Variants in TSPAN32 observed in about 807,000 individuals in gnomAD.
TSPAN32 encodes the protein tetraspanin 32, also known as tetraspanin-32.
In TSPAN32, 47 loss-of-function variants were observed where a neutral mutation model predicts 42.7. That is an observed-to-expected ratio of 1.10 (90% confidence interval 0.87 to 1.40). The LOEUF is 1.40. Among genes scored for constraint, TSPAN32 ranks in the 40% most tolerant of loss-of-function variants. TSPAN32 has a pLI of 0.00. For synonymous variants in TSPAN32, 175 were observed against 175.9 expected (o/e 0.99, Z 0.04); for missense variants, 469 against 424.1 (o/e 1.11, Z -0.93).
At chr11:2,306,101 CT>C (rs887093966) in intron 3 of TSPAN32, among the ~76,000 whole-genome samples, 3 of 147,230 alleles carry the variant, frequency 2.0e-5, no homozygotes, top group Non-Finnish European at 4.5e-5. Flanking sequence ...TCACCTGCCC[CT>C]GTTGCCATAC....
At chr11:2,315,590 C>T (rs1037903034) in intron 6 of TSPAN32, 24 of 1,178,992 alleles carry the variant, frequency 2.0e-5, no homozygotes, top group African/African-American at 1.9e-4. Context: ...CTGGCATGGG[C>T]GGGAGGGAGG....
At chr11:2,312,421 G>A (rs1848514885) in intron 4 of TSPAN32, among the ~76,000 whole-genome samples, 1 of 152,216 alleles carries the variant, frequency 6.6e-6, no homozygotes, top group Non-Finnish European at 1.5e-5. Context: ...GTGCCTGCCC[G>A]CCCCTGGGCA....
At chr11:2,316,698 T>C (rs774322854) in intron 8 of TSPAN32, 31 bp downstream of exon 8, 7 of 1,512,314 alleles carry the variant, frequency 4.6e-6, no homozygotes, top group Non-Finnish European at 5.3e-6. Context: ...CCACACCCTC[T>C]GGAAGGGTCC....
At position 2,304,214 on chromosome 11, in the gene TSPAN32, T is replaced by A; in HGVS notation, c.279+10T>A. 1 of 1,542,752 alleles carries A rather than the reference T, an allele frequency of 6.5e-7. No homozygotes were observed. On this transcript the variant is annotated intron_variant, in intron 3 of 9. Transcript: ENST00000182290. This position sits in a 1 kb window ranked among gnomAD's most constrained non-coding sequence, Gnocchi z 4.8. ...GGGCCTCATGGCAGGGGTGAGTTCA[T>A]TGTGTTCCCAGATGCCCAGGCCCCC...
intron 3 of TSPAN32, among the ~76,000 whole-genome samples, chr11:2,305,598 C>G (rs1450995482): frequency 6.6e-6 from 1 of 152,192 alleles, no homozygotes; most frequent in Admixed American, 6.5e-5. Context: ...ACCAGCCTTT[C>G]CCACCCCACC....
Position 2,308,787 on chromosome 11 carries a change from TG to T in TSPAN32, c.333del (p.Trp111Ter). On this transcript the variant is annotated frameshift_variant, in exon 4 of 10. Coordinates refer to ENST00000182290, the MANE Select transcript of TSPAN32 (RefSeq NM_139022.3). LOFTEE classifies it high-confidence loss of function. ...AFCAQVQVVF[W>X]RLHSPTQVED... ...CTGCGCACAGGTGCAGGTGGTGTTC[TG>T]GAGACTCCACAGCCCCACCCAGGTG... The T allele has an allele frequency of 6.4e-7, 1 of 1,572,194 alleles. No homozygotes were observed. The highest frequency in any genetic ancestry group is 1.2e-5 in the South Asian group (1 of 85,422).
At chr11:2,309,304 C>T (rs1307696483) in intron 4 of TSPAN32, 5 of 463,046 alleles carry the variant, frequency 1.1e-5, no homozygotes, top group South Asian at 3.1e-5. Flanking sequence ...GCAGCCTCCA[C>T]CCCCTCCACG....
At chr11:2,315,057 C>T (rs963731955) in intron 6 of TSPAN32, 2 of 122,366 alleles carry the variant, frequency 1.6e-5, no homozygotes, top group Non-Finnish European at 3.1e-5. Context: ...GTGGCCAGGG[C>T]TTCAGCAACA....
intron 6 of TSPAN32, chr11:2,315,804 C>A: frequency 7.6e-7 from 1 of 1,321,532 alleles, no homozygotes; most frequent in Non-Finnish European, 9.9e-7. Flanking sequence ...CGGGGACCCC[C>A]CTCACACCCC....
intron 6 of TSPAN32, chr11:2,315,088 A>G: frequency 2.6e-6 from 1 of 383,332 alleles, no homozygotes; most frequent in South Asian, 2.7e-5. Flanking sequence ...GCCCGAGGCC[A>G]GGAAGCCTTT....
chr11:2,315,835 C>G, intron 6 of TSPAN32: 1 of 1,358,738 alleles, frequency 7.4e-7, no homozygotes. Context: ...GGCTTCCTGC[C>G]CTCCCTGTTA....
intron 6 of TSPAN32, 124 bp from the exon 7 acceptor site, chr11:2,316,105 C>G: frequency 6.6e-7 from 1 of 1,525,712 alleles, no homozygotes; most frequent in South Asian, 1.2e-5. Context: ...TGTGCCGCAC[C>G]CGCCGCCCTG....
intron 3 of TSPAN32, among the ~76,000 whole-genome samples, chr11:2,305,365 A>G (rs1848012074): frequency 1.7e-5 from 2 of 121,178 alleles, no homozygotes; most frequent in African/African-American, 7.1e-5. Flanking sequence ...CAAGGCAGGT[A>G]GTCTGCCCCC....
At chr11:2,306,551 GAGAA>G (rs71464179) in intron 3 of TSPAN32, among the ~76,000 whole-genome samples, 46,927 of 142,162 alleles carry the variant, frequency 0.33, 7,554 homozygotes, top group Non-Finnish European at 0.36. Context: ...GGGGGAGAGA[GAGAA>G]AGAGAGAAAG....
At chr11:2,315,391 G>C in intron 6 of TSPAN32, 1 of 1,137,160 alleles carries the variant, frequency 8.8e-7, no homozygotes, top group Non-Finnish European at 1.1e-6. Flanking sequence ...AGCGGCATTG[G>C]GGGCAGGGCT....
intron 3 of TSPAN32, among the ~76,000 whole-genome samples, chr11:2,307,452 G>A (rs1174019213): frequency 2.0e-5 from 3 of 152,148 alleles, no homozygotes; most frequent in South Asian, 2.1e-4. Context: ...AGGACTCCTG[G>A]GGGAGCTGCC....
chr11:2,315,934 G>A (rs1300924219), intron 6 of TSPAN32: 2 of 1,516,474 alleles, frequency 1.3e-6, no homozygotes, highest in Admixed American at 2.0e-5. Context: ...CCCGGCCCAG[G>A]GGAGCCAACG....
intron 2 of TSPAN32, 54 bp downstream of exon 2, chr11:2,303,012 G>C: frequency 6.7e-7 from 1 of 1,495,634 alleles, no homozygotes; most frequent in Non-Finnish European, 9.2e-7. Flanking sequence ...TGCAAGGGTG[G>C]CTGGCACGAG....
chr11:2,304,120 G>A lies in TSPAN32; in HGVS notation c.195G>A (p.Gly65=). ...QAVHQWAFSA[G]LSLVGLLTLG... ...CCTCCCAACCAGCCTTCTCTGCGGG[G>A]TTGAGCCTGGTGGGCCTCCTGACTC... The change falls in exon 3 of 10, where the codon GGG becomes GGA. Residue 65 remains glycine, a synonymous_variant. Coordinates refer to ENST00000182290, the MANE Select transcript of TSPAN32 (RefSeq NM_139022.3). This position sits in a 1 kb window ranked among gnomAD's most constrained non-coding sequence, Gnocchi z 4.8. The A allele has an allele frequency of 6.3e-7, 1 of 1,583,212 alleles. No individual in the cohort carries two copies. Among genetic ancestry groups the A allele is most frequent in the Non-Finnish European group, 8.6e-7 (1 of 1,164,726 alleles).
Sources: gnomAD v4.1 joint callset for allele counts (sites outside exome capture counted in the v4.1 genomes callset) on GRCh38, gnomAD v4.1.1 for gene constraint, Gnocchi (gnomAD v3.1) non-coding constraint, MANE v1.5 for transcripts, NCBI Gene and HGNC (gene_info 2026-07-23, HGNC 2026-07-21) for gene names.